EVI5L: variants seen among roughly 807,000 people sequenced by gnomAD.
EVI5L encodes EVI5-like protein.
A neutral mutation model predicts 106.1 loss-of-function variants in EVI5L; 30 were observed. The ratio of observed to expected loss-of-function variants is 0.28; its 90% confidence interval spans 0.21 to 0.38. EVI5L has a LOEUF of 0.38. Among genes scored for constraint, EVI5L ranks in the 10% least tolerant of loss-of-function variants. EVI5L has a pLI of 1.00. For missense variants in EVI5L, 809 were observed against 1,098.0 expected, an observed-to-expected ratio of 0.74 and a Z score of 3.72; for synonymous variants, 489 against 483.3, an observed-to-expected ratio of 1.01 and a Z score of -0.15.
chr19:7,845,089 G>A lies in EVI5L; in HGVS notation c.-47-1407G>A, dbSNP rs879539833. Among the ~76,000 whole-genome samples the A allele has an allele frequency of 1.4e-4, 22 of 152,046 alleles. No homozygotes were observed. Among genetic ancestry groups the A allele is most frequent in the Non-Finnish European group, 2.1e-4 (14 of 68,006 alleles). ...GGGATCCAGATATCCCCACTCCAAG[G>A]ACCCAGCGAGGCCCTCTCTGTAGGT... On this transcript the variant is annotated intron_variant, in intron 1 of 19. Coordinates refer to ENST00000538904, the MANE Select transcript of EVI5L (RefSeq NM_001159944.3). This position sits in a 1 kb window ranked among gnomAD's most constrained non-coding sequence, Gnocchi z 4.0.
chr19:7,838,937 A>G (rs1978468454), intron 1 of EVI5L, among the ~76,000 whole-genome samples: 1 of 151,834 alleles, frequency 6.6e-6, no homozygotes, highest in Non-Finnish European at 1.5e-5. Context: ...TGCAGTGAAC[A>G]GTGAGCTATG....
chr19:7,857,851 G>T lies in EVI5L; in HGVS notation c.1234-340G>T. ...CCAGATCCTCACCCTCACCGGCAGA[G>T]TCTGGCATGAATAGGCACAGGTGGC... is the stretch of plus-strand genomic sequence containing the variant. On this transcript the variant is annotated intron_variant, in intron 12 of 19. Coordinates refer to ENST00000538904, the MANE Select transcript of EVI5L (RefSeq NM_001159944.3). The surrounding 1 kb of genome is among the most constrained non-coding windows in gnomAD (Gnocchi z 4.5). The T allele has an allele frequency of 3.4e-6, 1 of 293,002 alleles. No homozygotes were observed. The highest frequency in any genetic ancestry group is 6.5e-6 in the Non-Finnish European group (1 of 153,306). The allele number at this position is 293,002 out of a possible 1,614,324, so 18.2% of individuals were successfully genotyped here.
intron 5 of EVI5L, 126 bp downstream of exon 5, chr19:7,849,456 C>G (rs912343405): frequency 2.0e-6 from 2 of 1,017,786 alleles, no homozygotes; most frequent in Non-Finnish European, 2.9e-6. Flanking sequence ...TCCTCCTTCT[C>G]CATCCACACC....
Position 7,857,419 on chromosome 19 carries a change from G to A in EVI5L, c.1233+295G>A, listed in dbSNP as rs1021387433. 1.7e-5 allele frequency: 10 copies of A among 573,558 alleles called. No individual in the cohort carries two copies. The highest frequency in any genetic ancestry group is 3.1e-5 in the Non-Finnish European group (10 of 319,896). 35.5% of individuals were successfully genotyped at this position (573,558 alleles called of 1,614,324 possible). A position where few individuals can be genotyped will look rare whatever the true frequency, so the allele number is the denominator to read the frequency against. On this transcript the variant is annotated intron_variant, in intron 12 of 19. Coordinates refer to ENST00000538904, the MANE Select transcript of EVI5L (RefSeq NM_001159944.3). This position sits in a 1 kb window ranked among gnomAD's most constrained non-coding sequence, Gnocchi z 4.5. The stretch of plus-strand genomic sequence containing the variant: ...CACAGGGTGGGGACCCAGGAGGGCT[G>A]GGGAACCTAAAACCATATTCACATA...
chr19:7,843,881 T>G (rs62125146), intron 1 of EVI5L, among the ~76,000 whole-genome samples: 24,394 of 151,940 alleles, frequency 0.16, 2,583 homozygotes, highest in Non-Finnish European at 0.22. Context: ...AGTCTGGGGA[T>G]GAGTGGAGAG....
intron 1 of EVI5L, among the ~76,000 whole-genome samples, chr19:7,842,737 ATG>A (rs1568234592): frequency 2.0e-5 from 3 of 149,342 alleles, no homozygotes; most frequent in Admixed American, 6.8e-5. Context: ...TATTGTGTGC[ATG>A]TGTGTGAAGG....
In EVI5L at chr19:7,857,087, G is replaced by A. The variant is rs367627592; in HGVS notation, c.1201-5G>A. The A allele has an allele frequency of 6.4e-7, 1 of 1,551,684 alleles. No individual in the cohort carries two copies. Among genetic ancestry groups the A allele is most frequent in the African/African-American group, 1.4e-5 (1 of 73,044 alleles). On this transcript the variant is annotated splice_polypyrimidine_tract_variant and splice_region_variant and intron_variant, in intron 11 of 19. Coordinates refer to ENST00000538904, the MANE Select transcript of EVI5L (RefSeq NM_001159944.3). This position sits in a 1 kb window ranked among gnomAD's most constrained non-coding sequence, Gnocchi z 4.5. ...CTGTCGCTGGGAACCCCCTTCGCCG[G>A]GTAGGAGAGCGCTGCTCTGGCTGAT...
rs141254631 is a variant in EVI5L at position 7,850,614 on chromosome 19, G to GACAC, written c.753+505_753+508dup. On this transcript the variant is annotated intron_variant, in intron 6 of 19. Coordinates refer to ENST00000538904, the MANE Select transcript of EVI5L (RefSeq NM_001159944.3). This position sits in a 1 kb window ranked among gnomAD's most constrained non-coding sequence, Gnocchi z 5.4. Reference sequence around the variant, plus strand: ...ACCCGCATGCATACACACACACGCAGACACACACACACACACCGGCCCGCC... The same window carrying GACAC: ...ACCCGCATGCATACACACACACGCAGACACACACACACACACACACCGGCCCGCC... Among the ~76,000 whole-genome samples the GACAC allele has an allele frequency of 4.1e-4, 62 of 151,798 alleles. No individual in the cohort carries two copies. Among genetic ancestry groups the GACAC allele is most frequent in the African/African-American group, 1.4e-3 (57 of 41,422 alleles).
Position 7,839,268 on chromosome 19 carries a change from A to C in EVI5L, c.-47-7228A>C, listed in dbSNP as rs560733252. ...CAGTGAGCCGAGATCGCGCCACTGC[A>C]CTCCAGCCTGGGCGACAGAGCAAGA... is the stretch of plus-strand genomic sequence containing the variant. On this transcript the variant is annotated intron_variant, in intron 1 of 19. Coordinates refer to ENST00000538904, the MANE Select transcript of EVI5L (RefSeq NM_001159944.3). Among the ~76,000 whole-genome samples the C allele has an allele frequency of 2.9e-4, 44 of 151,824 alleles. 1 individual carries two copies. In the South Asian group the frequency reaches 5.2e-3, roughly 18 times the overall value.
At chr19:7,861,741 G>A (rs1979806992) in intron 14 of EVI5L, 137 bp from the exon 15 acceptor site, 1 of 1,202,532 alleles carries the variant, frequency 8.3e-7, no homozygotes, top group Non-Finnish European at 1.1e-6. Flanking sequence ...CGTGGGCCTT[G>A]TCAAGGGGGT....
At chr19:7,837,192 G>A (rs1381594821) in intron 1 of EVI5L, among the ~76,000 whole-genome samples, 10 of 151,732 alleles carry the variant, frequency 6.6e-5, no homozygotes, top group South Asian at 2.1e-4. Context: ...TTAGCCGGGC[G>A]TGGTGGTGCG....
Position 7,863,808 on chromosome 19 carries a change from C to T in EVI5L, c.*106C>T, listed in dbSNP as rs994344411. 7.2e-7 allele frequency: 1 copy of T among 1,386,786 alleles called. No homozygotes were observed. The highest frequency in any genetic ancestry group is 9.4e-7 in the Non-Finnish European group (1 of 1,067,140). 85.9% of individuals were successfully genotyped at this position (1,386,786 alleles called of 1,614,324 possible). On this transcript the variant is annotated 3_prime_UTR_variant, in exon 20 of 20. Coordinates refer to ENST00000538904, the MANE Select transcript of EVI5L (RefSeq NM_001159944.3). This position sits in a 1 kb window ranked among gnomAD's most constrained non-coding sequence, Gnocchi z 7.7. ...CCGCACTTGACAAACTACGCGCCCT[C>T]TGTGGCTCGGCCACCCCTAAAGCGA...
At chr19:7,831,506 C>T (rs1978293309) in intron 1 of EVI5L, among the ~76,000 whole-genome samples, 2 of 152,168 alleles carry the variant, frequency 1.3e-5, no homozygotes, top group African/African-American at 4.8e-5. Flanking sequence ...CAAACCAGCG[C>T]CCACACTGGA....
rs987961896 is a variant in EVI5L, at chr19:7,860,457, C to G, written c.1375-104C>G. On this transcript the variant is annotated intron_variant, in intron 13 of 19. Transcript: ENST00000538904. ...GACACCCCAAGCCTGGGCCCCTCTCCCTGCTGAAGGGCTCTGGGGAGGCGG... is the reference window on the plus strand; with the variant it reads ...GACACCCCAAGCCTGGGCCCCTCTCGCTGCTGAAGGGCTCTGGGGAGGCGG... 28 of 1,036,350 alleles carry G rather than the reference C, an allele frequency of 2.7e-5. No homozygotes were observed. The Admixed American group carries it at 7.4e-4, about 27-fold the overall frequency. 64.2% of individuals were successfully genotyped at this position (1,036,350 alleles called of 1,614,324 possible).
intron 10 of EVI5L, 135 bp downstream of exon 10, chr19:7,853,468 C>A: frequency 8.6e-7 from 1 of 1,159,426 alleles, no homozygotes; most frequent in Non-Finnish European, 1.2e-6. Flanking sequence ...GGCGGACAGG[C>A]CTCCGCCCAC....
At position 7,860,566 on chromosome 19, in the gene EVI5L, C is replaced by T; in HGVS notation, c.1380C>T (p.Asn460=). The T allele has an allele frequency of 6.3e-7, 1 of 1,589,110 alleles. No individual in the cohort carries two copies. Among genetic ancestry groups the T allele is most frequent in the Non-Finnish European group, 8.6e-7 (1 of 1,169,190 alleles). Residue 460 remains asparagine, a synonymous_variant, in exon 14 of 20, where the codon AAC becomes AAT. Coordinates refer to ENST00000538904, the MANE Select transcript of EVI5L (RefSeq NM_001159944.3). The part of the protein sequence containing the change: ...TIRQLQEQQE[N]PRLTEDFVSH... ...CAGCTCTCTGCCTCCCCCAGGAGAA[C>T]CCCCGCCTCACAGAAGACTTCGTGT...
intron 8 of EVI5L, among the ~76,000 whole-genome samples, chr19:7,852,520 G>T (rs1979303540): frequency 6.6e-6 from 1 of 150,836 alleles, no homozygotes; most frequent in South Asian, 2.1e-4. Flanking sequence ...TCCCAGGAGA[G>T]CCTCCTTGGC....
chr19:7,845,468 C>T lies in EVI5L; in HGVS notation c.-47-1028C>T, dbSNP rs887911041. Among the ~76,000 whole-genome samples the T allele has an allele frequency of 2.6e-5, 4 of 152,186 alleles. No individual in the cohort carries two copies. The highest frequency in any genetic ancestry group is 5.9e-5 in the Non-Finnish European group (4 of 68,030). ...AGGATGGACAGTGATAGCCGATGTC[C>T]GTGGGGCCATCACTGAGTGTCAGGC... On this transcript the variant is annotated intron_variant, in intron 1 of 19. Transcript: ENST00000538904. This position sits in a 1 kb window ranked among gnomAD's most constrained non-coding sequence, Gnocchi z 4.0.
chr19:7,849,129 T>C lies in EVI5L; in HGVS notation c.536T>C (p.Leu179Pro). Reference sequence around the variant, plus strand: ...CAGGACAGCCTGGGCCAGGAGGTCCTCTTCAACGTCATGAAGGTGAGGCCC... The same window carrying C: ...CAGGACAGCCTGGGCCAGGAGGTCCCCTTCAACGTCATGAAGGTGAGGCCC... Reference protein sequence around the residue: ...KGQDSLGQEVLFNVMKAYSLV... With the variant: ...KGQDSLGQEVPFNVMKAYSLV... The change falls in exon 4 of 20, where the codon CTC (leucine) becomes CCC (proline). Residue 179 changes from leucine to proline, a missense_variant. Physicochemically the swap from Leu to Pro is moderately conservative, Grantham distance 98. Around this residue, in one of 2 missense-constraint regions of EVI5L, gnomAD observed 357 missense variants for 588.1 expected, o/e 0.61. Transcript: ENST00000538904. 6.2e-7 allele frequency: 1 copy of C among 1,610,300 alleles called. No individual in the cohort carries two copies. The highest frequency in any genetic ancestry group is 8.5e-7 in the Non-Finnish European group (1 of 1,178,238).
Sources: allele counts gnomAD v4.1 joint callset (sites outside exome capture counted in the v4.1 genomes callset), GRCh38; gene constraint gnomAD v4.1.1; regional missense constraint gnomAD v4.1.1; non-coding constraint Gnocchi (gnomAD v3.1); transcripts MANE v1.5; gene names NCBI Gene and HGNC (gene_info 2026-07-23, HGNC 2026-07-21).